The following TOLLIP variants were observed in gnomAD, a reference collection of about 807,000 sequenced individuals.
TOLLIP encodes toll-interacting protein.
In TOLLIP, 16 loss-of-function variants were observed where a neutral mutation model predicts 33.5. That is an observed-to-expected ratio of 0.48 (90% CI 0.32 to 0.72). The LOEUF is 0.72. TOLLIP is among the 30% of genes least tolerant of loss of function. TOLLIP has a pLI of 0.03. For synonymous variants in TOLLIP, 176 were observed against 163.7 expected, an observed-to-expected ratio of 1.07 and a Z score of -0.57; for missense variants, 325 against 396.6, an observed-to-expected ratio of 0.82 and a Z score of 1.53.
Position 1,284,036 on chromosome 11 carries a change from G to A in TOLLIP, c.610+1966C>T, listed in dbSNP as rs538365239. On this transcript the variant is annotated intron_variant, in intron 5 of 5. Transcript: ENST00000317204. ...GAAGGCACTTTGACCCCACGACGGC[G>A]GCTCTGGGCTGTCCCAGTTACAAAT... Among the ~76,000 whole-genome samples the A allele has an allele frequency of 1.3e-4, 20 of 152,322 alleles. No homozygotes were observed. The South Asian group carries it at 3.1e-3, about 24-fold the overall frequency.
chr11:1,283,304 C>T (rs1031425747), intron 5 of TOLLIP: 4 of 321,320 alleles, frequency 1.2e-5, no homozygotes, highest in African/African-American at 8.7e-5. Context: ...GATGGGGACC[C>T]CTCCAGGCCA....
intron 3 of TOLLIP, among the ~76,000 whole-genome samples, chr11:1,289,286 G>A (rs1250411875): frequency 5.3e-5 from 8 of 152,232 alleles, no homozygotes; most frequent in Non-Finnish European, 7.3e-5. Flanking sequence ...AAAGCCGGGA[G>A]GAAAAGGCAG....
At position 1,275,511 on chromosome 11, in the gene TOLLIP, A is replaced by G. The variant is rs1863267817; in HGVS notation, c.*1528T>C. 6.6e-6 allele frequency: 1 copy of G among 152,214 alleles called. No homozygotes were observed. The highest frequency in any genetic ancestry group is 2.4e-5 in the African/African-American group (1 of 41,438). 9.4% of individuals were successfully genotyped at this position (152,214 alleles called of 1,614,324 possible). On this transcript the variant is annotated 3_prime_UTR_variant, in exon 6 of 6. Transcript: ENST00000317204. ...GGAATCCCAGGGGCCCCTCCGTCTGAGTGGTCGGCGTCTGCTGAACAAATA... is the reference window on the plus strand; with the variant it reads ...GGAATCCCAGGGGCCCCTCCGTCTGGGTGGTCGGCGTCTGCTGAACAAATA...
Position 1,277,067 on chromosome 11 carries a change from G to A in TOLLIP, c.797C>T (p.Ser266Phe). 1 of 1,614,044 alleles carries A rather than the reference G, an allele frequency of 6.2e-7. No homozygotes were observed. The highest frequency in any genetic ancestry group is 8.5e-7 in the Non-Finnish European group (1 of 1,179,974). ...TGGCTCCTCCCCCATCTGCAGCAGG[G>A]AGTTGATGGCGGCATCCTTGTTCCC... Reference protein sequence around the residue: ...QRGNKDAAINSLLQMGEEP With the variant: ...QRGNKDAAINFLLQMGEEP Residue 266 changes from serine to phenylalanine, a missense_variant, in exon 6 of 6, where the codon TCC (serine) becomes TTC (phenylalanine). Transcript: ENST00000317204. The surrounding 1 kb of genome is among the most constrained non-coding windows in gnomAD (Gnocchi z 4.2).
intron 4 of TOLLIP, 65 bp downstream of exon 4, chr11:1,288,559 G>A (rs994633013): frequency 7.3e-5 from 111 of 1,517,714 alleles, no homozygotes; most frequent in African/African-American, 1.6e-4. Context: ...TCTGTGGGGC[G>A]GCATAGCCCC....
intron 1 of TOLLIP, among the ~76,000 whole-genome samples, chr11:1,299,316 C>T (rs1384702136): frequency 1.3e-5 from 2 of 152,310 alleles, no homozygotes; most frequent in East Asian, 1.9e-4. Context: ...CAGGGAGAGG[C>T]GGCTTGCCTG....
Position 1,290,378 on chromosome 11 carries a change from C to T in TOLLIP, c.215G>A (p.Arg72His). The change falls in exon 3 of 6, where the codon CGC becomes CAC. Residue 72 changes from arginine (R) to histidine (H), a missense_variant. Arg to His is a conservative substitution (Grantham distance 29). Coordinates refer to ENST00000317204, the MANE Select transcript of TOLLIP (RefSeq NM_019009.4). The surrounding 1 kb of genome is among the most constrained non-coding windows in gnomAD (Gnocchi z 4.9). ...GCGCAGTCGGCAGTAGGGGTCCATG[C>T]GGGTCATGCCGTAATTCTTGGCCAA... The part of the protein sequence containing the change: ...AKLAKNYGMT[R>H]MDPYCRLRLG... 2.5e-6 allele frequency: 4 copies of T among 1,612,362 alleles called. No homozygotes were observed. The highest frequency in any genetic ancestry group is 2.2e-5 in the East Asian group (1 of 44,848).
At position 1,295,761 on chromosome 11, in the gene TOLLIP, G is replaced by A. The variant is rs541021405; in HGVS notation, c.67C>T (p.Arg23Cys). The A allele has an allele frequency of 1.1e-5, 18 of 1,598,416 alleles. No individual in the cohort carries two copies. Among genetic ancestry groups the A allele is most frequent in the Admixed American group, 7.0e-5 (4 of 57,270 alleles). ...YIGELPQDFL[R>C]ITPTQQQRQV... is the part of the protein sequence containing the mutation. ...CGCTGCTGCTGTGTGGGCGTGATGC[G>A]GAGGAAGTCCTGCGGGAGCTCACCG... The change falls in exon 2 of 6, where the codon CGC (arginine) becomes TGC (cysteine). Residue 23 changes from arginine to cysteine, a missense_variant. By Grantham distance (180) the Arg-to-Cys change is radical. Transcript: ENST00000317204.
At chr11:1,295,834 G>A (rs747839576) in intron 1 of TOLLIP, 40 bp from the exon 2 acceptor site, 4 of 1,516,036 alleles carry the variant, frequency 2.6e-6, no homozygotes, top group Non-Finnish European at 2.7e-6. Context: ...GAGTCAGGGT[G>A]GGGGCACAAA....
chr11:1,296,462 C>T lies in TOLLIP; in HGVS notation c.34-668G>A, dbSNP rs149364877. Among the ~76,000 whole-genome samples, 41 of 152,350 alleles carry T rather than the reference C, an allele frequency of 2.7e-4. No homozygotes were observed. The East Asian group carries it at 6.6e-3, about 24-fold the overall frequency. On this transcript the variant is annotated intron_variant, in intron 1 of 5. Transcript: ENST00000317204. ...CCCGAAACCACCCGCACACCTGCAGCGGCCGAAGGGGCCTGGGGTAAACCA... is the reference window on the plus strand; with the variant it reads ...CCCGAAACCACCCGCACACCTGCAGTGGCCGAAGGGGCCTGGGGTAAACCA...
chr11:1,288,890 T>G (rs926536189), intron 3 of TOLLIP, 114 bp from the exon 4 acceptor site: 56 of 1,185,670 alleles, frequency 4.7e-5, no homozygotes, highest in Non-Finnish European at 6.2e-5. Flanking sequence ...GGAACAGGGC[T>G]CCCACCTGCA....
intron 3 of TOLLIP, among the ~76,000 whole-genome samples, chr11:1,289,610 G>A (rs1218716830): frequency 2.0e-5 from 3 of 151,892 alleles, no homozygotes. Context: ...TGCGCCCAGC[G>A]GGGCGGACAC....
intron 1 of TOLLIP, chr11:1,298,270 T>C (rs1001304796): frequency 1.3e-5 from 2 of 152,280 alleles, no homozygotes; most frequent in African/African-American, 4.8e-5. Context: ...AGGCGGCTCG[T>C]GCCCTCCTGG....
chr11:1,287,072 G>A (rs967624941), intron 4 of TOLLIP, among the ~76,000 whole-genome samples: 1 of 151,734 alleles, frequency 6.6e-6, no homozygotes, highest in African/African-American at 2.4e-5. Flanking sequence ...CTGCGGATAA[G>A]TCACTGCACC....
chr11:1,283,160 A>G, intron 5 of TOLLIP: 1 of 201,830 alleles, frequency 5.0e-6, no homozygotes, highest in Non-Finnish European at 1.0e-5. Context: ...CGCTGGGTGG[A>G]ATCTGCGGTG....
Position 1,290,093 on chromosome 11 carries a change from C to T in TOLLIP, c.366+134G>A. ...TTGGGGAGAGCAGGACCCTGTCATG[C>T]ACCCAATGAAACACCAGGTGGGGAG... On this transcript the variant is annotated intron_variant, in intron 3 of 5. Transcript: ENST00000317204. The surrounding 1 kb of genome is among the most constrained non-coding windows in gnomAD (Gnocchi z 4.9). The T allele has an allele frequency of 1.3e-6, 1 of 784,212 alleles. No individual in the cohort carries two copies. Among genetic ancestry groups the T allele is most frequent in the Non-Finnish European group, 2.1e-6 (1 of 482,598 alleles). The allele number at this position is 784,212 out of a possible 1,614,324, so 48.6% of individuals were successfully genotyped here. A position where few individuals can be genotyped will look rare whatever the true frequency, so the allele number is the denominator to read the frequency against.
chr11:1,297,008 G>A (rs1285602854), intron 1 of TOLLIP, among the ~76,000 whole-genome samples: 5 of 147,028 alleles, frequency 3.4e-5, no homozygotes, highest in African/African-American at 1.3e-4. Flanking sequence ...CTGGTTGCTG[G>A]TGGAGTGGGG....
At chr11:1,302,990 C>T (rs976219408) in intron 1 of TOLLIP, among the ~76,000 whole-genome samples, 3 of 150,192 alleles carry the variant, frequency 2.0e-5, no homozygotes, top group African/African-American at 7.3e-5. Flanking sequence ...ACACAACAGG[C>T]GCTTCAAAGC....
rs5743953 is a variant in TOLLIP, at chr11:1,290,202, A to G, written c.366+25T>C. 3,886 of 1,607,842 alleles carry G rather than the reference A, an allele frequency of 2.4e-3. 70 individuals are homozygous for G. The African/African-American group carries it at 0.043, about 18-fold the overall frequency. Reference sequence around the variant, plus strand: ...CCACGCTCAGCCACGTGCAGCCTCCATAATAGCTGGCACGTCCCTCTCACC... The same window carrying G: ...CCACGCTCAGCCACGTGCAGCCTCCGTAATAGCTGGCACGTCCCTCTCACC... On this transcript the variant is annotated intron_variant, in intron 3 of 5. Transcript: ENST00000317204. The surrounding 1 kb of genome is among the most constrained non-coding windows in gnomAD (Gnocchi z 4.9).
Sources: allele counts gnomAD v4.1 joint callset (sites outside exome capture counted in the v4.1 genomes callset), GRCh38; gene constraint gnomAD v4.1.1; non-coding constraint Gnocchi (gnomAD v3.1); transcripts MANE v1.5; gene names NCBI Gene and HGNC (gene_info 2026-07-23, HGNC 2026-07-21).